The following MYO1B variants were observed in gnomAD, a reference collection of about 807,000 sequenced individuals.
MYO1B encodes unconventional myosin-Ib.
MYO1B carries 72 observed loss-of-function variants against 159.7 expected under a neutral mutation model. That is an observed-to-expected ratio of 0.45 (90% CI 0.37 to 0.55). The LOEUF is 0.55. Ranked by LOEUF, MYO1B falls within the 20% of genes least tolerant of loss-of-function variation. The pLI is 0.00. For synonymous variants in MYO1B, 468 were observed against 473.8 expected, an observed-to-expected ratio of 0.99 and a Z score of 0.16; for missense variants, 1,062 against 1,364.8, an observed-to-expected ratio of 0.78 and a Z score of 3.50.
chr2:191,292,730 C>A (rs900675918), intron 2 of MYO1B, among the ~76,000 whole-genome samples: 1 of 152,116 alleles, frequency 6.6e-6, no homozygotes, highest in Non-Finnish European at 1.5e-5. Flanking sequence ...AGGAGGAAGT[C>A]CATTCTGATG....
intron 21 of MYO1B, among the ~76,000 whole-genome samples, chr2:191,399,371 A>G (rs974490646): frequency 6.6e-6 from 1 of 152,218 alleles, no homozygotes; most frequent in African/African-American, 2.4e-5. Flanking sequence ...CAGTGTACAT[A>G]AATAAAGTTT....
At chr2:191,348,402 A>G (rs1692704602) in intron 6 of MYO1B, among the ~76,000 whole-genome samples, 1 of 152,086 alleles carries the variant, frequency 6.6e-6, no homozygotes, top group South Asian at 2.1e-4. Context: ...TAGGCTCTAG[A>G]TTCTGTCGCC....
chr2:191,364,566 G>A (rs542569578), intron 11 of MYO1B, among the ~76,000 whole-genome samples: 3 of 152,226 alleles, frequency 2.0e-5, no homozygotes, highest in Non-Finnish European at 4.4e-5. Context: ...GCAGAGTAGG[G>A]GAGCTCCCTG....
chr2:191,248,892 T>A (rs560146781), intron 1 of MYO1B, among the ~76,000 whole-genome samples: 2 of 152,338 alleles, frequency 1.3e-5, no homozygotes, highest in African/African-American at 4.8e-5. Context: ...TGTAGTTGAT[T>A]CTTCCAAAAA....
intron 1 of MYO1B, among the ~76,000 whole-genome samples, chr2:191,249,007 A>G (rs974379001): frequency 1.3e-5 from 2 of 152,246 alleles, no homozygotes; most frequent in Admixed American, 6.5e-5. Context: ...GCTGTAAGTG[A>G]ATGAAACTTT....
intron 30 of MYO1B, chr2:191,416,490 C>T: frequency 2.1e-6 from 1 of 470,436 alleles, no homozygotes; most frequent in Non-Finnish European, 3.8e-6. Context: ...TTTTGGCTAA[C>T]AAGTGTTTAT....
chr2:191,423,605 T>C (rs1698079970), intron 30 of MYO1B, among the ~76,000 whole-genome samples: 1 of 152,224 alleles, frequency 6.6e-6, no homozygotes, highest in South Asian at 2.1e-4. Flanking sequence ...GTACTTGCAT[T>C]ATACTTAATG....
intron 24 of MYO1B, among the ~76,000 whole-genome samples, chr2:191,406,742 A>G (rs181601343): frequency 1.3e-5 from 2 of 152,348 alleles, no homozygotes; most frequent in East Asian, 3.9e-4. Flanking sequence ...GAATGAGCAC[A>G]TGCTGTTGGA....
At chr2:191,300,453 C>T (rs1689248770) in intron 3 of MYO1B, among the ~76,000 whole-genome samples, 1 of 151,500 alleles carries the variant, frequency 6.6e-6, no homozygotes, top group Non-Finnish European at 1.5e-5. Flanking sequence ...AAGCAATTCT[C>T]CTGCCTCAGC....
Position 191,400,463 on chromosome 2 carries a change from AC to A in MYO1B, c.2380del (p.Gln794ArgfsTer6). The A allele has an allele frequency of 6.2e-7, 1 of 1,613,980 alleles. No homozygotes were observed. On this transcript the variant is annotated frameshift_variant, in exon 22 of 31. Transcript: ENST00000392318. LOFTEE classifies it high-confidence loss of function. ...GACCATTGCTGCATATTGGCATGGG[AC>A]CCAGGTAGGCCCGAGACCCCAAGGA... ...VTTIAAYWHG[T>X]QARRELRRLK...
chr2:191,302,508 A>G (rs1047595571), intron 3 of MYO1B, among the ~76,000 whole-genome samples: 1 of 152,204 alleles, frequency 6.6e-6, no homozygotes, highest in Non-Finnish European at 1.5e-5. Flanking sequence ...TTTTAAAAAA[A>G]GCAAAAATAT....
intron 30 of MYO1B, among the ~76,000 whole-genome samples, chr2:191,422,249 G>A (rs1474045978): frequency 2.0e-5 from 3 of 152,172 alleles, no homozygotes; most frequent in Admixed American, 2.0e-4. Context: ...AATTATGAGG[G>A]TAGAGAGAAG....
rs187053444 is a variant in MYO1B, at chr2:191,414,703, C to T, written c.3159+34C>T. The T allele has an allele frequency of 1.5e-4, 236 of 1,577,494 alleles. 2 individuals carry two copies. The highest frequency in any genetic ancestry group is 5.0e-4 in the Middle Eastern group (3 of 5,970). ...TCAACAGAAGATTTCTGTGCTTAAT[C>T]TCTCAGCCATTGATTTAAAAAATTT... On this transcript the variant is annotated intron_variant, in intron 29 of 30. Transcript: ENST00000392318.
In MYO1B at chr2:191,369,617, G is replaced by A; in HGVS notation, c.1108G>A (p.Glu370Lys). The A allele has an allele frequency of 6.2e-7, 1 of 1,613,144 alleles. No individual in the cohort carries two copies. ...TTCATGGTTGGTAAATCGAATCAAT[G>A]AAAGCATTAAGGTACTGAATTTCTA... ...LFSWLVNRIN[E>K]SIKAQTKVRK... Residue 370 changes from glutamate to lysine, a missense_variant, in exon 12 of 31, where the codon GAA (glutamate) becomes AAA (lysine). Transcript: ENST00000392318.
At chr2:191,312,257 C>T (rs1690047865) in intron 3 of MYO1B, among the ~76,000 whole-genome samples, 1 of 152,122 alleles carries the variant, frequency 6.6e-6, no homozygotes, top group Non-Finnish European at 1.5e-5. Flanking sequence ...CACTTGGCCT[C>T]TTGTGGCCTA....
In MYO1B at chr2:191,387,404, G is replaced by T. The variant is rs1347016339; in HGVS notation, c.1735G>T (p.Ala579Ser). Reference sequence around the variant, plus strand: ...AGGCTCACAGTTCAAGGCATCCGTGGCCACTCTGATGAAAAACCTACAGAC... The same window carrying T: ...AGGCTCACAGTTCAAGGCATCCGTGTCCACTCTGATGAAAAACCTACAGAC... ...TAGSQFKASVATLMKNLQTKN... is the reference protein window; with the variant it reads ...TAGSQFKASVSTLMKNLQTKN... Residue 579 changes from alanine (A) to serine (S), a missense_variant, in exon 17 of 31, where the codon GCC (alanine) becomes TCC (serine). By Grantham distance (99) the Ala-to-Ser change is moderately conservative. Around this residue, in one of 5 missense-constraint regions of MYO1B, gnomAD observed 609 missense variants for 744.4 expected, o/e 0.82. Coordinates refer to ENST00000392318, the MANE Select transcript of MYO1B (RefSeq NM_001130158.3). The T allele has an allele frequency of 1.2e-6, 2 of 1,614,026 alleles. No homozygotes were observed. Among genetic ancestry groups the T allele is most frequent in the African/African-American group, 2.7e-5 (2 of 74,890 alleles).
chr2:191,418,014 C>T (rs979035150), intron 30 of MYO1B, among the ~76,000 whole-genome samples: 9 of 152,234 alleles, frequency 5.9e-5, no homozygotes, highest in Admixed American at 2.6e-4. Context: ...GTTGTCTGAG[C>T]GAAGATTTAT....
At chr2:191,320,236 A>G (rs1017582909) in intron 3 of MYO1B, among the ~76,000 whole-genome samples, 4 of 152,154 alleles carry the variant, frequency 2.6e-5, no homozygotes, top group Admixed American at 6.6e-5. Flanking sequence ...TAGATAGTAC[A>G]TGATTTCTGT....
chr2:191,396,573 C>A, intron 21 of MYO1B, 76 bp downstream of exon 21: 2 of 1,443,852 alleles, frequency 1.4e-6, no homozygotes, highest in South Asian at 1.1e-5. Flanking sequence ...TTTAGGGTCA[C>A]CCTGCAGAGG....
Sources: allele counts gnomAD v4.1 joint callset (sites outside exome capture counted in the v4.1 genomes callset), GRCh38; gene constraint gnomAD v4.1.1; regional missense constraint gnomAD v4.1.1; transcripts MANE v1.5; gene names NCBI Gene and HGNC (gene_info 2026-07-23, HGNC 2026-07-21).